The following EXOC4 variants were observed in gnomAD, a reference collection of about 807,000 sequenced individuals.
The protein encoded by EXOC4 is exocyst complex component 4, also known as SEC8-like 1.
Under a neutral mutation model 107.2 loss-of-function variants are expected in EXOC4, and 71 were observed. The ratio of observed to expected loss-of-function variants is 0.66; its 90% CI spans 0.55 to 0.81. The LOEUF is 0.81. EXOC4 is among the 30% of genes least tolerant of loss of function. EXOC4 has a pLI of 0.00. For synonymous variants in EXOC4, 456 were observed against 441.2 expected (o/e 1.03, Z -0.42); for missense variants, 1,108 against 1,189.6 (o/e 0.93, Z 1.01).
chr7:133,780,331 G>GT (rs1413054278), intron 10 of EXOC4, among the ~76,000 whole-genome samples: 1 of 149,840 alleles, frequency 6.7e-6, no homozygotes, highest in Non-Finnish European at 1.5e-5. Flanking sequence ...TACTTTTAGC[G>GT]TTTTTTGAAA....
intron 11 of EXOC4, among the ~76,000 whole-genome samples, chr7:133,834,678 G>A (rs573404564): frequency 1.7e-4 from 26 of 152,350 alleles, no homozygotes; most frequent in Non-Finnish European, 3.2e-4. Flanking sequence ...AGTGCAGAAA[G>A]AACTTTCTCC....
chr7:133,291,162 C>G (rs1794396219), intron 3 of EXOC4, among the ~76,000 whole-genome samples: 1 of 151,768 alleles, frequency 6.6e-6, no homozygotes, highest in Non-Finnish European at 1.5e-5. Context: ...ACAGTCATGT[C>G]CAGAAAAGAG....
intron 13 of EXOC4, among the ~76,000 whole-genome samples, chr7:133,934,039 TAA>T (rs1800241670): frequency 6.6e-6 from 1 of 152,232 alleles, no homozygotes; most frequent in East Asian, 1.9e-4. Flanking sequence ...TATAGTTGTA[TAA>T]GTTTATTTTA....
chr7:133,852,274 A>C (rs960873908), intron 11 of EXOC4, among the ~76,000 whole-genome samples: 1 of 151,250 alleles, frequency 6.6e-6, no homozygotes, highest in African/African-American at 2.4e-5. Flanking sequence ...CCAGGCTGGA[A>C]TGCAGTGGTG....
At position 133,305,872 on chromosome 7, in the gene EXOC4, T is replaced by C; in HGVS notation, c.472-5T>C. On this transcript the variant is annotated splice_polypyrimidine_tract_variant and splice_region_variant and intron_variant, in intron 3 of 17. Coordinates refer to ENST00000253861, the MANE Select transcript of EXOC4 (RefSeq NM_021807.4). ...TAATTGTCTTTCATTTTTTTCTCTT[T>C]TCAGGTGTCAGCAGTTGAGTCTTTG... The C allele has an allele frequency of 6.3e-7, 1 of 1,587,836 alleles. No individual in the cohort carries two copies. The highest frequency in any genetic ancestry group is 1.2e-5 in the South Asian group (1 of 86,770).
chr7:134,003,920 G>A (rs1794583950), intron 15 of EXOC4, among the ~76,000 whole-genome samples: 1 of 152,094 alleles, frequency 6.6e-6, no homozygotes, highest in East Asian at 1.9e-4. Context: ...CCTGAGAATT[G>A]TGTGTGACCA....
chr7:133,705,746 G>A (rs755290942), intron 10 of EXOC4, among the ~76,000 whole-genome samples: 15 of 152,200 alleles, frequency 9.9e-5, no homozygotes, highest in Non-Finnish European at 2.2e-4. Context: ...GACAGGTAGC[G>A]TAAAACGCAC....
intron 9 of EXOC4, among the ~76,000 whole-genome samples, chr7:133,604,237 G>A (rs1801878008): frequency 6.6e-6 from 1 of 152,032 alleles, no homozygotes; most frequent in Admixed American, 6.6e-5. Flanking sequence ...CTGCATTACA[G>A]TTATCTTTTT....
chr7:133,676,961 G>GTGTGTGTGTA (rs1554382540), intron 10 of EXOC4, among the ~76,000 whole-genome samples: 2 of 149,658 alleles, frequency 1.3e-5, no homozygotes, highest in South Asian at 2.1e-4. Context: ...GTGTGTATGT[G>GTGTGTGTGTA]TGTGTGTGTG....
At chr7:133,930,209 G>A (rs1800145685) in intron 13 of EXOC4, among the ~76,000 whole-genome samples, 1 of 152,114 alleles carries the variant, frequency 6.6e-6, no homozygotes, top group Admixed American at 6.5e-5. Flanking sequence ...ATTATGCACT[G>A]TATCATGCAT....
intron 10 of EXOC4, among the ~76,000 whole-genome samples, chr7:133,739,073 T>C (rs970433614): frequency 6.6e-6 from 1 of 152,218 alleles, no homozygotes; most frequent in African/African-American, 2.4e-5. Context: ...CAAGACCTTA[T>C]ACTCTTACTT....
chr7:133,434,377 G>C (rs1287682043), intron 7 of EXOC4, among the ~76,000 whole-genome samples: 1 of 152,200 alleles, frequency 6.6e-6, no homozygotes, highest in Non-Finnish European at 1.5e-5. Context: ...AAAAGATATT[G>C]TGTAAAAGCT....
intron 10 of EXOC4, among the ~76,000 whole-genome samples, chr7:133,728,920 C>G (rs1215733705): frequency 1.3e-5 from 2 of 152,134 alleles, no homozygotes; most frequent in African/African-American, 4.8e-5. Flanking sequence ...AGAAAGCCTT[C>G]CTTTAATGCA....
intron 12 of EXOC4, among the ~76,000 whole-genome samples, chr7:133,901,293 T>C (rs1799446328): frequency 6.6e-6 from 1 of 152,176 alleles, no homozygotes; most frequent in Non-Finnish European, 1.5e-5. Context: ...ACATAAGCAA[T>C]CTTTTTTTTA....
intron 4 of EXOC4, among the ~76,000 whole-genome samples, chr7:133,311,836 T>G (rs1776525176): frequency 6.6e-6 from 1 of 152,122 alleles, no homozygotes; most frequent in South Asian, 2.1e-4. Flanking sequence ...GGCTAATAAA[T>G]ATAAGATTGT....
At chr7:133,698,622 A>AT (rs1474173650) in intron 10 of EXOC4, among the ~76,000 whole-genome samples, 1 of 151,936 alleles carries the variant, frequency 6.6e-6, no homozygotes, top group Non-Finnish European at 1.5e-5. Flanking sequence ...ATATACAACT[A>AT]TTTTTTCACA....
At chr7:133,922,404 T>C (rs1286846812) in intron 13 of EXOC4, among the ~76,000 whole-genome samples, 2 of 152,140 alleles carry the variant, frequency 1.3e-5, no homozygotes, top group East Asian at 3.8e-4. Flanking sequence ...AATGGAATCA[T>C]GCAATTATAT....
chr7:133,653,836 C>A (rs890634963), intron 10 of EXOC4, among the ~76,000 whole-genome samples: 3 of 152,164 alleles, frequency 2.0e-5, no homozygotes, highest in African/African-American at 7.2e-5. Context: ...TCCACAGCTA[C>A]CTTTTATGAG....
intron 10 of EXOC4, among the ~76,000 whole-genome samples, chr7:133,670,073 A>G (rs1358077435): frequency 2.6e-5 from 4 of 152,166 alleles, no homozygotes; most frequent in Non-Finnish European, 5.9e-5. Context: ...TTAATGGTGA[A>G]CATTAAGATT....
Sources: allele counts gnomAD v4.1 joint callset (sites outside exome capture counted in the v4.1 genomes callset), GRCh38; gene constraint gnomAD v4.1.1; transcripts MANE v1.5; gene names NCBI Gene and HGNC (gene_info 2026-07-23, HGNC 2026-07-21).